The following SCAPER variants were observed in gnomAD, a reference collection of about 807,000 sequenced individuals.
The protein encoded by SCAPER is S phase cyclin A-associated protein in the endoplasmic reticulum.
SCAPER carries 98 observed loss-of-function variants against 182.2 expected under a neutral mutation model. The observed-to-expected ratio is 0.54, with a 90% CI of 0.46 to 0.64. The LOEUF is 0.64. Ranked by LOEUF, SCAPER falls within the 30% of genes least tolerant of loss-of-function variation. The probability of loss-of-function intolerance (pLI) is 0.00; values close to 1 mark genes in which losing one functional copy is unlikely to be tolerated. For missense variants in SCAPER, 1,432 were observed against 1,690.0 expected (o/e 0.85, Z 2.68); for synonymous variants, 605 against 564.6 (o/e 1.07, Z -1.01).
intron 20 of SCAPER, among the ~76,000 whole-genome samples, chr15:76,681,778 G>A (rs2147002633): frequency 6.6e-6 from 1 of 152,160 alleles, no homozygotes; most frequent in East Asian, 1.9e-4. Context: ...CTAACAGGGA[G>A]AGCTGCTTAG....
chr15:76,668,686 T>A (rs2056797482), intron 20 of SCAPER, among the ~76,000 whole-genome samples: 1 of 152,226 alleles, frequency 6.6e-6, no homozygotes, highest in African/African-American at 2.4e-5. Context: ...TAACATTACA[T>A]AATCATTTTC....
intron 24 of SCAPER, among the ~76,000 whole-genome samples, chr15:76,481,394 C>T (rs1332276973): frequency 6.6e-6 from 1 of 152,114 alleles, no homozygotes; most frequent in African/African-American, 2.4e-5. Flanking sequence ...GTTCATTTAA[C>T]TACTGTTTAT....
In SCAPER at chr15:76,574,167, C is replaced by T; in HGVS notation, c.2829G>A (p.Leu943=). ...GATATTAGTTACACACCTCTTTTTC[C>T]AGTATTCTAGTGATCTCTCCTAGGG... The part of the protein sequence containing the change: ...DRTLGEITRI[L]EKENVADQIA... The change falls in exon 23 of 32, where the codon CTG becomes CTA. Residue 943 remains leucine (L), a synonymous_variant. Coordinates refer to ENST00000563290, the MANE Select transcript of SCAPER (RefSeq NM_020843.4). 6.2e-7 allele frequency: 1 copy of T among 1,602,306 alleles called. No homozygotes were observed. The highest frequency in any genetic ancestry group is 1.1e-5 in the South Asian group (1 of 89,330).
intron 22 of SCAPER, among the ~76,000 whole-genome samples, chr15:76,617,281 A>C (rs1288830750): frequency 6.6e-6 from 1 of 152,076 alleles, no homozygotes; most frequent in Non-Finnish European, 1.5e-5. Context: ...TTATCTTTAC[A>C]TCTTTGATTA....
At chr15:76,797,322 G>A (rs1280100618) in intron 7 of SCAPER, 1 of 152,138 alleles carries the variant, frequency 6.6e-6, no homozygotes, top group Non-Finnish European at 1.5e-5. Context: ...CGAAACAAAT[G>A]TGACAATTTT....
At chr15:76,893,795 A>T (rs926789827) in intron 1 of SCAPER, among the ~76,000 whole-genome samples, 1 of 152,250 alleles carries the variant, frequency 6.6e-6, no homozygotes, top group African/African-American at 2.4e-5. Flanking sequence ...GTGGAAATTA[A>T]ACAACACACA....
intron 21 of SCAPER, among the ~76,000 whole-genome samples, chr15:76,637,734 A>ATG (rs2053728312): frequency 3.2e-5 from 1 of 31,530 alleles, no homozygotes; most frequent in Non-Finnish European, 7.5e-5. Flanking sequence ...ATATATATAT[A>ATG]TATATATATG....
chr15:76,427,890 A>G (rs1028803008), intron 26 of SCAPER, among the ~76,000 whole-genome samples: 2 of 151,182 alleles, frequency 1.3e-5, no homozygotes, highest in Admixed American at 6.6e-5. Context: ...CTGAGATCGC[A>G]TCACTGAACT....
At position 76,536,623 on chromosome 15, in the gene SCAPER, A is replaced by C. The variant is rs552597747; in HGVS notation, c.2839-31649T>G. The stretch of plus-strand genomic sequence containing the variant: ...CAGCCAATATCATACTGAATGGGCA[A>C]AAACTGGAAGCATTCCCTTTGAAAA... On this transcript the variant is annotated intron_variant, in intron 23 of 31. Transcript: ENST00000563290. 9.0e-3 allele frequency among the ~76,000 whole-genome samples: 1,369 copies of C among 152,286 alleles called. 21 individuals are homozygous for C. Among genetic ancestry groups the C allele is most frequent in the African/African-American group, 0.032 (1,330 of 41,546 alleles).
chr15:76,612,339 G>T (rs112082855), intron 22 of SCAPER, among the ~76,000 whole-genome samples: 3 of 152,288 alleles, frequency 2.0e-5, no homozygotes, highest in African/African-American at 7.2e-5. Context: ...CCAGGCTCAG[G>T]TGATTCTCCC....
chr15:76,622,187 A>C (rs8038119), intron 21 of SCAPER, among the ~76,000 whole-genome samples: 14,425 of 152,198 alleles, frequency 0.095, 854 homozygotes, highest in African/African-American at 0.16. Context: ...GGCTTGCCTA[A>C]ACTAGTAGGT....
At chr15:76,776,260 A>T (rs920138781) in intron 8 of SCAPER, among the ~76,000 whole-genome samples, 7 of 152,180 alleles carry the variant, frequency 4.6e-5, no homozygotes, top group Admixed American at 4.6e-4. Context: ...GCACAGAAAA[A>T]AGGGTGGCCT....
chr15:76,451,926 T>G (rs2048392048), intron 25 of SCAPER, among the ~76,000 whole-genome samples: 1 of 152,030 alleles, frequency 6.6e-6, no homozygotes, highest in African/African-American at 2.4e-5. Flanking sequence ...CTAATCAGGG[T>G]TTCTCTGTAT....
At chr15:76,765,290 A>G in intron 13 of SCAPER, 47 bp downstream of exon 13, 2 of 1,433,366 alleles carry the variant, frequency 1.4e-6, no homozygotes, top group Non-Finnish European at 1.9e-6. Flanking sequence ...AAGAGTGGCT[A>G]GTTTCCTTGC....
At chr15:76,876,103 C>G (rs951990631) in intron 2 of SCAPER, among the ~76,000 whole-genome samples, 1 of 152,130 alleles carries the variant, frequency 6.6e-6, no homozygotes, top group Admixed American at 6.5e-5. Context: ...GGGGCCACTC[C>G]GAGTACAGGA....
At chr15:76,389,967 T>C (rs1302121331) in intron 27 of SCAPER, among the ~76,000 whole-genome samples, 1 of 152,082 alleles carries the variant, frequency 6.6e-6, no homozygotes, top group African/African-American at 2.4e-5. Context: ...ACCTTTTTTT[T>C]TTCTTTTGAG....
At chr15:76,579,798 C>A (rs1243114293) in intron 22 of SCAPER, among the ~76,000 whole-genome samples, 1 of 151,984 alleles carries the variant, frequency 6.6e-6, no homozygotes, top group Non-Finnish European at 1.5e-5. Flanking sequence ...CCTATAAAGA[C>A]ACACAGACTG....
At chr15:76,765,960 C>T (rs1346682538) in intron 11 of SCAPER, among the ~76,000 whole-genome samples, 1 of 152,050 alleles carries the variant, frequency 6.6e-6, no homozygotes, top group Non-Finnish European at 1.5e-5. Context: ...GATTGTTTGG[C>T]ATTAAAATTT....
chr15:76,762,637 C>T (rs569567284), intron 14 of SCAPER, among the ~76,000 whole-genome samples: 2 of 151,838 alleles, frequency 1.3e-5, no homozygotes, highest in Non-Finnish European at 2.9e-5. Flanking sequence ...ACCTTTTTGT[C>T]TTTTAAGTCC....
Sources: gnomAD v4.1 joint callset for allele counts (sites outside exome capture counted in the v4.1 genomes callset) on GRCh38, gnomAD v4.1.1 for gene constraint, MANE v1.5 for transcripts, NCBI Gene and HGNC (gene_info 2026-07-23, HGNC 2026-07-21) for gene names.